MYO1D: variants seen among roughly 807,000 people sequenced by gnomAD.
The protein encoded by MYO1D is unconventional myosin-Id.
Under a neutral mutation model 122.0 loss-of-function variants are expected in MYO1D, and 83 were observed. That is an observed-to-expected ratio of 0.68 (90% CI 0.57 to 0.82). The LOEUF (loss-of-function observed/expected upper bound fraction) is 0.82. MYO1D is among the 40% of genes least tolerant of loss of function. The pLI, the probability that MYO1D is intolerant of heterozygous loss-of-function variation, is 0.00. For synonymous variants in MYO1D, 464 were observed against 446.9 expected (o/e 1.04, Z -0.48); for missense variants, 1,157 against 1,269.5 (o/e 0.91, Z 1.35).
At chr17:32,793,133 TAAG>T (rs2151037406) in intron 1 of MYO1D, among the ~76,000 whole-genome samples, 1 of 151,882 alleles carries the variant, frequency 6.6e-6, no homozygotes, top group African/African-American at 2.4e-5. Flanking sequence ...AGAGGGCACT[TAAG>T]AAGCACCACC....
At chr17:32,842,357 T>C (rs2090890915) in intron 1 of MYO1D, among the ~76,000 whole-genome samples, 1 of 152,158 alleles carries the variant, frequency 6.6e-6, no homozygotes, top group South Asian at 2.1e-4. Flanking sequence ...CCGAGACAGT[T>C]AATCCCAGCA....
chr17:32,711,519 G>A (rs532448468), intron 16 of MYO1D, among the ~76,000 whole-genome samples: 2 of 152,016 alleles, frequency 1.3e-5, no homozygotes, highest in East Asian at 3.9e-4. Flanking sequence ...GGTGGTGTGC[G>A]CCTGTAATCC....
chr17:32,636,948 C>T (rs764052843), intron 20 of MYO1D, among the ~76,000 whole-genome samples: 4 of 152,128 alleles, frequency 2.6e-5, no homozygotes, highest in South Asian at 2.1e-4. Context: ...GCATCTGCAA[C>T]GGGGTGTATC....
In MYO1D at chr17:32,780,853, G is replaced by A. The variant is rs75234805; in HGVS notation, c.96-69C>T. 8.0e-4 allele frequency: 1,159 copies of A among 1,457,330 alleles called. 16 individuals carry two copies. The East Asian group carries it at 0.024, about 30-fold the overall frequency. The allele number at this position is 1,457,330 out of a possible 1,614,324, so 90.3% of individuals were successfully genotyped here. A position where few individuals can be genotyped will look rare whatever the true frequency, so the allele number is the denominator to read the frequency against. ...GAGAAATGATGTATCTGTCCTGTGA[G>A]TCTCTTATTTCCAAGGAAGTCCAAA... On this transcript the variant is annotated intron_variant, in intron 1 of 21. Coordinates refer to ENST00000318217, the MANE Select transcript of MYO1D (RefSeq NM_015194.3).
chr17:32,523,768 G>A (rs1910240088), intron 21 of MYO1D, among the ~76,000 whole-genome samples: 1 of 135,360 alleles, frequency 7.4e-6, no homozygotes, highest in Non-Finnish European at 1.5e-5. Flanking sequence ...TCCAGCCTGG[G>A]CAACAGAAAA....
chr17:32,493,948 C>T lies in MYO1D; in HGVS notation c.*811G>A, dbSNP rs1908991268. The T allele has an allele frequency of 6.6e-6, 1 of 152,246 alleles. No individual in the cohort carries two copies. The highest frequency in any genetic ancestry group is 1.5e-5 in the Non-Finnish European group (1 of 68,058). 9.4% of individuals were successfully genotyped at this position (152,246 alleles called of 1,614,324 possible). ...CCCCGTTCTCATTAGGGTTCCTGAC[C>T]CAAGTGTGGTGACAGCAGGTATCTG... is the stretch of plus-strand genomic sequence containing the variant. On this transcript the variant is annotated 3_prime_UTR_variant, in exon 22 of 22. Coordinates refer to ENST00000318217, the MANE Select transcript of MYO1D (RefSeq NM_015194.3).
intron 21 of MYO1D, among the ~76,000 whole-genome samples, chr17:32,595,168 G>A (rs1481977392): frequency 6.6e-6 from 1 of 152,194 alleles, no homozygotes; most frequent in Non-Finnish European, 1.5e-5. Flanking sequence ...ATAGCCAGAA[G>A]TTGGTTAACG....
At chr17:32,656,118 T>C (rs1208437622) in intron 17 of MYO1D, among the ~76,000 whole-genome samples, 1 of 152,146 alleles carries the variant, frequency 6.6e-6, no homozygotes, top group Admixed American at 6.5e-5. Context: ...GATGCTTATA[T>C]CCTCTCTTCT....
chr17:32,594,095 C>T (rs1021496583), intron 21 of MYO1D: 2 of 152,512 alleles, frequency 1.3e-5, no homozygotes, highest in African/African-American at 4.8e-5. Flanking sequence ...TGGAGAATTA[C>T]ATATATTTAG....
At chr17:32,601,141 G>A (rs987559876) in intron 21 of MYO1D, among the ~76,000 whole-genome samples, 1 of 151,928 alleles carries the variant, frequency 6.6e-6, no homozygotes, top group Non-Finnish European at 1.5e-5. Flanking sequence ...ACTATGTTGC[G>A]CAGACCTTGG....
intron 16 of MYO1D, among the ~76,000 whole-genome samples, chr17:32,705,523 A>T (rs1228601164): frequency 6.6e-6 from 1 of 152,190 alleles, no homozygotes; most frequent in African/African-American, 2.4e-5. Flanking sequence ...TTGGCCTCCC[A>T]AAGTGCTGGG....
intron 20 of MYO1D, among the ~76,000 whole-genome samples, chr17:32,608,420 A>G (rs565989126): frequency 9.8e-5 from 15 of 152,366 alleles, no homozygotes; most frequent in East Asian, 5.8e-4. Context: ...TAAAACTGCA[A>G]TGGGAACCAC....
chr17:32,637,706 C>A (rs1212096097), intron 20 of MYO1D, among the ~76,000 whole-genome samples: 2 of 151,958 alleles, frequency 1.3e-5, no homozygotes, highest in Non-Finnish European at 2.9e-5. Context: ...AGTGTCATAT[C>A]ATTTTAGCCT....
intron 17 of MYO1D, 121 bp downstream of exon 17, chr17:32,658,994 G>C: frequency 1.1e-6 from 1 of 948,994 alleles, no homozygotes; most frequent in South Asian, 1.6e-5. Context: ...AAAACATAAG[G>C]TAAAGGTAAA....
intron 13 of MYO1D, among the ~76,000 whole-genome samples, chr17:32,741,224 T>TAAAA (rs58505921): frequency 5.0e-5 from 5 of 100,302 alleles, no homozygotes; most frequent in African/African-American, 1.8e-4. Flanking sequence ...ATACCACTTC[T>TAAAA]AAAAAAAAAA....
At chr17:32,840,013 T>C (rs557569032) in intron 1 of MYO1D, among the ~76,000 whole-genome samples, 2 of 152,352 alleles carry the variant, frequency 1.3e-5, no homozygotes, top group South Asian at 4.1e-4. Context: ...CTTGTTTCAA[T>C]TACAATTTTC....
chr17:32,786,474 A>T (rs2090295134), intron 1 of MYO1D, among the ~76,000 whole-genome samples: 1 of 152,194 alleles, frequency 6.6e-6, no homozygotes, highest in South Asian at 2.1e-4. Context: ...CAGACCACCA[A>T]ACTCAGTGCA....
chr17:32,644,721 A>T (rs917781221), intron 19 of MYO1D, among the ~76,000 whole-genome samples: 5 of 152,138 alleles, frequency 3.3e-5, no homozygotes, highest in South Asian at 2.1e-4. Flanking sequence ...GTTTTATCAG[A>T]GACTAGGATT....
chr17:32,776,105 A>G (rs1373976651), intron 3 of MYO1D, 76 bp from the exon 4 acceptor site: 1 of 1,293,752 alleles, frequency 7.7e-7, no homozygotes. Flanking sequence ...ATTTTGCTAA[A>G]CCACATACAA....
Sources: gnomAD v4.1 joint callset for allele counts (sites outside exome capture counted in the v4.1 genomes callset) on GRCh38, gnomAD v4.1.1 for gene constraint, MANE v1.5 for transcripts, NCBI Gene and HGNC (gene_info 2026-07-23, HGNC 2026-07-21) for gene names.